The following ADK variants were observed in gnomAD, a reference collection of about 807,000 sequenced individuals.
ADK encodes N6,N6-dimethyladenosine kinase.
Under a neutral mutation model 44.7 loss-of-function variants are expected in ADK, and 24 were observed. The ratio of observed to expected loss-of-function variants is 0.54; its 90% CI spans 0.39 to 0.76. The LOEUF (loss-of-function observed/expected upper bound fraction) is 0.76, where lower values mean the gene tolerates loss of function less well. Ranked by LOEUF, ADK falls within the 30% of genes least tolerant of loss-of-function variation. The probability of loss-of-function intolerance (pLI) is 0.00; values close to 1 mark genes in which losing one functional copy is unlikely to be tolerated. For synonymous variants in ADK, 128 were observed against 142.6 expected, an observed-to-expected ratio of 0.90 and a Z score of 0.73; for missense variants, 321 against 425.1, an observed-to-expected ratio of 0.76 and a Z score of 2.15.
chr10:74,187,672 T>A (rs1215345095), intron 1 of ADK, among the ~76,000 whole-genome samples: 1 of 152,218 alleles, frequency 6.6e-6, no homozygotes, highest in Non-Finnish European at 1.5e-5. Flanking sequence ...TTCTAAGAAG[T>A]CTTTCCTTAC....
rs542109940 is a variant in ADK, at chr10:74,609,470, T to C, written c.877+8977T>C. Reference sequence around the variant, plus strand: ...CCATTTCTCATGGCACAGTCCCTCATGGCTTCCCTTGACTAGGGGAGGGAG... The same window carrying C: ...CCATTTCTCATGGCACAGTCCCTCACGGCTTCCCTTGACTAGGGGAGGGAG... On this transcript the variant is annotated intron_variant, in intron 9 of 10. Coordinates refer to ENST00000539909, the MANE Select transcript of ADK (RefSeq NM_006721.4). Among the ~76,000 whole-genome samples, 6 of 152,266 alleles carry C rather than the reference T, an allele frequency of 3.9e-5. No individual in the cohort carries two copies. In the South Asian group the frequency reaches 1.2e-3, roughly 32 times the overall value.
At chr10:74,254,045 G>A (rs1845740351) in intron 3 of ADK, among the ~76,000 whole-genome samples, 1 of 152,088 alleles carries the variant, frequency 6.6e-6, no homozygotes, top group African/African-American at 2.4e-5. Context: ...GGGATTACAG[G>A]TGTGAGACAC....
At chr10:74,300,618 A>G (rs911513348) in intron 3 of ADK, among the ~76,000 whole-genome samples, 1 of 152,114 alleles carries the variant, frequency 6.6e-6, no homozygotes, top group African/African-American at 2.4e-5. Flanking sequence ...ATGTCAAGCT[A>G]TCCACTCACT....
At chr10:74,529,704 G>A (rs897740675) in intron 7 of ADK, among the ~76,000 whole-genome samples, 5 of 152,074 alleles carry the variant, frequency 3.3e-5, no homozygotes, top group African/African-American at 1.2e-4. Context: ...CTTTTGGTAT[G>A]ATTATTGTTC....
chr10:74,420,297 A>T (rs1176558575), intron 6 of ADK, among the ~76,000 whole-genome samples: 1 of 152,094 alleles, frequency 6.6e-6, no homozygotes, highest in East Asian at 1.9e-4. Context: ...CAACCTGGAC[A>T]TTTTTATTGT....
rs374580993 is a variant in ADK, at chr10:74,486,580, A to C, written c.556-38676A>C. Among the ~76,000 whole-genome samples, 31 of 152,260 alleles carry C rather than the reference A, an allele frequency of 2.0e-4. No homozygotes were observed. In the East Asian group the frequency reaches 3.5e-3, roughly 17 times the overall value. ...TAATGAATATGTACTTTTAGTCAAA[A>C]TTTATTTACTTGAGAAGCAAAGTGA... On this transcript the variant is annotated intron_variant, in intron 6 of 10. Coordinates refer to ENST00000539909, the MANE Select transcript of ADK (RefSeq NM_006721.4).
chr10:74,214,517 G>A (rs1393921349), intron 2 of ADK, among the ~76,000 whole-genome samples: 1 of 152,138 alleles, frequency 6.6e-6, no homozygotes, highest in East Asian at 1.9e-4. Flanking sequence ...ATTGTCATCT[G>A]CTATGTACCA....
intron 4 of ADK, among the ~76,000 whole-genome samples, chr10:74,349,232 A>G (rs1841877962): frequency 6.6e-6 from 1 of 152,210 alleles, no homozygotes; most frequent in South Asian, 2.1e-4. Context: ...GAAACCCTAC[A>G]AGCCAGAAGA....
chr10:74,243,713 G>A (rs1308922817), intron 3 of ADK, among the ~76,000 whole-genome samples: 1 of 152,082 alleles, frequency 6.6e-6, no homozygotes, highest in Non-Finnish European at 1.5e-5. Context: ...CAATACAAAA[G>A]TTAGCTGGGC....
At chr10:74,565,643 CT>C (rs1298608620) in intron 7 of ADK, among the ~76,000 whole-genome samples, 1 of 145,714 alleles carries the variant, frequency 6.9e-6, no homozygotes, top group African/African-American at 2.6e-5. Flanking sequence ...AGGAGAATCG[CT>C]TGAACCCAGG....
At chr10:74,394,048 A>G (rs1843425856) in intron 4 of ADK, 93 bp from the exon 5 acceptor site, 8 of 1,277,838 alleles carry the variant, frequency 6.3e-6, no homozygotes, top group Non-Finnish European at 6.8e-6. Context: ...TTTCTCACAA[A>G]GCATTCTTGT....
chr10:74,245,428 A>G (rs1845379016), intron 3 of ADK, among the ~76,000 whole-genome samples: 1 of 152,116 alleles, frequency 6.6e-6, no homozygotes, highest in South Asian at 2.1e-4. Context: ...CCCTCCTACA[A>G]AAACATAAAG....
chr10:74,553,206 T>TTG (rs1850103109), intron 7 of ADK, among the ~76,000 whole-genome samples: 2 of 129,000 alleles, frequency 1.6e-5, no homozygotes, highest in African/African-American at 6.1e-5. Context: ...TTTTTTTTTT[T>TTG]TTTTTTTTTT....
chr10:74,566,223 T>TG (rs1491201678), intron 7 of ADK, among the ~76,000 whole-genome samples: 2 of 146,838 alleles, frequency 1.4e-5, no homozygotes, highest in Non-Finnish European at 3.0e-5. Flanking sequence ...TTTTTTTTTT[T>TG]GTGGAGACAG....
intron 3 of ADK, among the ~76,000 whole-genome samples, chr10:74,310,180 G>GAA (rs994528313): frequency 6.6e-6 from 1 of 152,050 alleles, no homozygotes; most frequent in African/African-American, 2.4e-5. Context: ...ACCAAAAGGA[G>GAA]AAAGTAAGAA....
At position 74,602,625 on chromosome 10, in the gene ADK, G is replaced by A. The variant is rs543121671; in HGVS notation, c.877+2132G>A. On this transcript the variant is annotated intron_variant, in intron 9 of 10. Transcript: ENST00000539909. ...GCTTACAAGCTGGAATTTATTTGAG[G>A]AAAGACACTGGCTAATCTTTGCTGT... Among the ~76,000 whole-genome samples the A allele has an allele frequency of 3.9e-5, 6 of 152,224 alleles. No homozygotes were observed. The South Asian group carries it at 8.3e-4, about 21-fold the overall frequency.
chr10:74,524,488 G>A (rs1012391227), intron 6 of ADK, among the ~76,000 whole-genome samples: 1 of 152,126 alleles, frequency 6.6e-6, no homozygotes, highest in Non-Finnish European at 1.5e-5. Flanking sequence ...CACCACCTGG[G>A]CTATAGCAAT....
At chr10:74,449,759 A>G (rs1221336244) in intron 6 of ADK, among the ~76,000 whole-genome samples, 2 of 152,192 alleles carry the variant, frequency 1.3e-5, no homozygotes, top group Admixed American at 6.5e-5. Flanking sequence ...TGTGGTGACT[A>G]AGAGAGTAAG....
chr10:74,316,085 CA>C (rs1278122347), intron 4 of ADK, among the ~76,000 whole-genome samples: 2 of 151,898 alleles, frequency 1.3e-5, no homozygotes, highest in South Asian at 2.1e-4. Flanking sequence ...TAAAAAAATA[CA>C]AAAATTAGCC....
Sources: allele counts gnomAD v4.1 joint callset (sites outside exome capture counted in the v4.1 genomes callset), GRCh38; gene constraint gnomAD v4.1.1; transcripts MANE v1.5; gene names NCBI Gene and HGNC (gene_info 2026-07-23, HGNC 2026-07-21).